Variants in SV2C observed in about 807,000 individuals in gnomAD.
SV2C encodes the protein synaptic vesicle glycoprotein 2C.
A neutral mutation model predicts 79.7 loss-of-function variants in SV2C; 49 were observed. That is an observed-to-expected ratio of 0.61 (90% CI 0.49 to 0.78). The LOEUF is 0.78. SV2C is among the 30% of genes least tolerant of loss of function. The pLI is 0.00. For synonymous variants in SV2C, 334 were observed against 333.2 expected, an observed-to-expected ratio of 1.00 and a Z score of -0.03; for missense variants, 833 against 912.9, an observed-to-expected ratio of 0.91 and a Z score of 1.13.
chr5:76,098,123 G>A (rs1747626721), intron 1 of SV2C, among the ~76,000 whole-genome samples: 1 of 152,174 alleles, frequency 6.6e-6, no homozygotes, highest in Non-Finnish European at 1.5e-5. Flanking sequence ...AACTGTGGGA[G>A]ATGCCCAGTA....
intron 10 of SV2C, among the ~76,000 whole-genome samples, chr5:76,300,156 A>ATTATT (rs1747932180): frequency 3.6e-5 from 5 of 139,676 alleles, no homozygotes; most frequent in African/African-American, 1.3e-4. Flanking sequence ...TCAAATAAAA[A>ATTATT]ATTATTATTA....
the SV2C span, among the ~76,000 whole-genome samples, chr5:76,051,943 GAGTAATAGATCAATTTTATTGTCTGCAA>G: frequency 7.2e-5 from 11 of 152,164 alleles, no homozygotes; most frequent in African/African-American, 2.7e-4. Context: ...ATTCTCTGCA[GAGTAATAGATCAATTTTATTGTCTGCAA>G]AGTAATAGAT....
the SV2C span, among the ~76,000 whole-genome samples, chr5:76,047,960 A>G: frequency 6.6e-6 from 1 of 151,878 alleles, no homozygotes; most frequent in Non-Finnish European, 1.5e-5. Context: ...TTAACAATAT[A>G]TTGTATTCTT....
At chr5:76,017,121 T>A in the SV2C span, among the ~76,000 whole-genome samples, 1 of 152,212 alleles carries the variant, frequency 6.6e-6, no homozygotes, top group Non-Finnish European at 1.5e-5. Context: ...TTGTCTCTTT[T>A]TCCATGGCTC....
chr5:76,301,908 CAAAAAAA>C (rs11436839), intron 12 of SV2C, among the ~76,000 whole-genome samples: 3 of 41,422 alleles, frequency 7.2e-5, no homozygotes, highest in African/African-American at 2.8e-4. Context: ...GACACCATCT[CAAAAAAA>C]AAAAAAAAAA....
chr5:76,009,157 A>T, the SV2C span, among the ~76,000 whole-genome samples: 4 of 151,922 alleles, frequency 2.6e-5, no homozygotes, highest in Non-Finnish European at 5.9e-5. Flanking sequence ...AAACACATAC[A>T]AAAAAATGTT....
chr5:75,953,132 G>A, the SV2C span, among the ~76,000 whole-genome samples: 1 of 152,132 alleles, frequency 6.6e-6, no homozygotes, highest in Admixed American at 6.6e-5. Flanking sequence ...AAAAGGAGCT[G>A]GCATGTACAG....
At chr5:76,187,078 A>G (rs1743944691) in intron 2 of SV2C, among the ~76,000 whole-genome samples, 1 of 152,196 alleles carries the variant, frequency 6.6e-6, no homozygotes, top group Admixed American at 6.5e-5. Flanking sequence ...CTGATATGCG[A>G]TGTCCATGGT....
At chr5:76,323,506 T>C (rs1170751634) in intron 12 of SV2C, among the ~76,000 whole-genome samples, 1 of 152,210 alleles carries the variant, frequency 6.6e-6, no homozygotes, top group Non-Finnish European at 1.5e-5. Flanking sequence ...GAACCAGAAA[T>C]ACCATTTGAC....
At chr5:75,965,936 C>A in the SV2C span, among the ~76,000 whole-genome samples, 6 of 152,146 alleles carry the variant, frequency 3.9e-5, no homozygotes, top group Middle Eastern at 3.2e-3. Flanking sequence ...ACTATAAATT[C>A]TTTTCAGTTT....
chr5:76,171,973 C>G (rs1188692084), intron 2 of SV2C, among the ~76,000 whole-genome samples: 2 of 129,016 alleles, frequency 1.6e-5, no homozygotes, highest in Admixed American at 7.3e-5. Context: ...CCGCCCCGTC[C>G]GGGAGGGAGG....
At chr5:75,888,922 G>A in the SV2C span, among the ~76,000 whole-genome samples, 1 of 151,944 alleles carries the variant, frequency 6.6e-6, no homozygotes, top group South Asian at 2.1e-4. Context: ...CAATTCTAGA[G>A]GCCAGAAGTC....
At chr5:75,885,032 G>A in the SV2C span, among the ~76,000 whole-genome samples, 8 of 152,068 alleles carry the variant, frequency 5.3e-5, no homozygotes, top group Admixed American at 2.6e-4. Flanking sequence ...ATGCATTCAC[G>A]ACTCAACAAG....
intron 12 of SV2C, among the ~76,000 whole-genome samples, chr5:76,310,142 TG>T (rs1455091009): frequency 6.6e-6 from 1 of 152,202 alleles, no homozygotes; most frequent in Non-Finnish European, 1.5e-5. Flanking sequence ...CAGAAAGCTT[TG>T]CCTTGATAGA....
At chr5:75,875,732 A>T in the SV2C span, among the ~76,000 whole-genome samples, 1 of 152,170 alleles carries the variant, frequency 6.6e-6, no homozygotes, top group Non-Finnish European at 1.5e-5. Context: ...TTACAAGAAA[A>T]ACAGACAACC....
At chr5:75,902,487 A>G in the SV2C span, among the ~76,000 whole-genome samples, 1 of 152,128 alleles carries the variant, frequency 6.6e-6, no homozygotes, top group Non-Finnish European at 1.5e-5. Flanking sequence ...CTGTGCTTCA[A>G]CCCAGGTAAA....
chr5:76,040,379 A>C, the SV2C span, among the ~76,000 whole-genome samples: 1 of 152,356 alleles, frequency 6.6e-6, no homozygotes, highest in African/African-American at 2.4e-5. Context: ...CCTGGTAAGT[A>C]ATTACAAGAG....
the SV2C span, chr5:75,920,868 T>C: frequency 3.9e-6 from 3 of 759,776 alleles, no homozygotes; most frequent in South Asian, 2.7e-5. Context: ...CTTATTGTAA[T>C]GGGCTGGGTC....
chr5:76,264,411 C>G lies in SV2C; in HGVS notation c.914-20751C>G, dbSNP rs755739851. ...TTAGCTCAGAGGAGTTTGTTATTACCCACCTTCTGAAGCCTACTTCTGTCA... is the reference window on the plus strand; with the variant it reads ...TTAGCTCAGAGGAGTTTGTTATTACGCACCTTCTGAAGCCTACTTCTGTCA... On this transcript the variant is annotated intron_variant, in intron 4 of 12. Coordinates refer to ENST00000502798, the MANE Select transcript of SV2C (RefSeq NM_014979.4). Among the ~76,000 whole-genome samples, 5 of 152,106 alleles carry G rather than the reference C, an allele frequency of 3.3e-5. No homozygotes were observed. In the East Asian group the frequency reaches 5.8e-4, roughly 18 times the overall value.
Sources: allele counts gnomAD v4.1 joint callset (sites outside exome capture counted in the v4.1 genomes callset), GRCh38; gene constraint gnomAD v4.1.1; transcripts MANE v1.5; gene names NCBI Gene and HGNC (gene_info 2026-07-23, HGNC 2026-07-21).